PTPRQ: variants seen among roughly 807,000 people sequenced by gnomAD.
The protein encoded by PTPRQ is protein tyrosine phosphatase receptor type Q.
Under a neutral mutation model 246.0 loss-of-function variants are expected in PTPRQ, and 199 were observed. The observed-to-expected ratio is 0.81, with a 90% confidence interval of 0.72 to 0.91. PTPRQ has a LOEUF of 0.91. Among genes scored for constraint, PTPRQ ranks in the 40% least tolerant of loss-of-function variants. The pLI, the probability that PTPRQ is intolerant of heterozygous loss-of-function variation, is 0.00. For synonymous variants in PTPRQ, 869 were observed against 853.2 expected (o/e 1.02, Z -0.32); for missense variants, 2,624 against 2,528.4 (o/e 1.04, Z -0.81).
intron 3 of PTPRQ, among the ~76,000 whole-genome samples, chr12:80,451,337 A>T (rs1892763026): frequency 8.3e-6 from 1 of 120,608 alleles, no homozygotes; most frequent in Non-Finnish European, 1.7e-5. Flanking sequence ...CAGCTCCTGG[A>T]TTCATTAATT....
intron 7 of PTPRQ, among the ~76,000 whole-genome samples, chr12:80,470,652 G>A (rs556433095): frequency 6.6e-6 from 1 of 152,252 alleles, no homozygotes; most frequent in East Asian, 1.9e-4. Flanking sequence ...GGAATTGGAG[G>A]CCTGTGTAAG....
At chr12:80,486,855 C>T (rs992542221) in intron 9 of PTPRQ, among the ~76,000 whole-genome samples, 1 of 152,192 alleles carries the variant, frequency 6.6e-6, no homozygotes, top group African/African-American at 2.4e-5. Context: ...TTATCTCCTT[C>T]AAAATCCATC....
intron 25 of PTPRQ, among the ~76,000 whole-genome samples, chr12:80,566,838 C>T (rs1565790566): frequency 6.6e-6 from 1 of 152,092 alleles, no homozygotes; most frequent in Non-Finnish European, 1.5e-5. Context: ...CTGTGACTGG[C>T]CTACTTTAAT....
Position 80,635,795 on chromosome 12 carries a change from C to G in PTPRQ, c.5915+722C>G, listed in dbSNP as rs140983678. Among the ~76,000 whole-genome samples the G allele has an allele frequency of 4.0e-3, 601 of 152,124 alleles. 6 individuals are homozygous for G. Among genetic ancestry groups the G allele is most frequent in the African/African-American group, 0.014 (575 of 41,548 alleles). On this transcript the variant is annotated intron_variant, in intron 35 of 44. Transcript: ENST00000644991. ...ATTCTTAATGAAAACTACCATCAGG[C>G]TATTTTAACGTTTGCATTTTTATAA...
intron 28 of PTPRQ, among the ~76,000 whole-genome samples, chr12:80,612,673 C>T (rs1026403966): frequency 6.6e-6 from 1 of 150,410 alleles, no homozygotes; most frequent in African/African-American, 2.4e-5. Flanking sequence ...CCAGTAGTCA[C>T]ACTCTTGGGC....
intron 9 of PTPRQ, among the ~76,000 whole-genome samples, chr12:80,491,990 A>C (rs1320794563): frequency 1.3e-5 from 2 of 151,940 alleles, no homozygotes; most frequent in Non-Finnish European, 2.9e-5. Flanking sequence ...TTTTAAAAAA[A>C]GGGGTTTTGG....
At chr12:80,640,144 G>T (rs1899803361) in intron 35 of PTPRQ, among the ~76,000 whole-genome samples, 1 of 151,848 alleles carries the variant, frequency 6.6e-6, no homozygotes, top group Non-Finnish European at 1.5e-5. Context: ...TTCCTCAGCA[G>T]CATTTTCTAT....
At chr12:80,570,041 A>G (rs1030441702) in intron 25 of PTPRQ, among the ~76,000 whole-genome samples, 7 of 152,218 alleles carry the variant, frequency 4.6e-5, no homozygotes, top group African/African-American at 1.4e-4. Context: ...TGCACTAAAC[A>G]TACATGTGCA....
chr12:80,646,764 T>A lies in PTPRQ; in HGVS notation c.5916-2133T>A, dbSNP rs951103720. Among the ~76,000 whole-genome samples the A allele has an allele frequency of 2.6e-5, 4 of 151,768 alleles. No homozygotes were observed. In the East Asian group the frequency reaches 7.7e-4, roughly 29 times the overall value. The stretch of plus-strand genomic sequence containing the variant: ...TGATGTATTTCTGCGAAAAAAAAAA[T>A]CTTTAGGGAGAGATTTTAAATGCAA... On this transcript the variant is annotated intron_variant, in intron 35 of 44. Transcript: ENST00000644991.
chr12:80,540,393 A>AAT (rs1247211082), intron 20 of PTPRQ, among the ~76,000 whole-genome samples: 1 of 152,098 alleles, frequency 6.6e-6, no homozygotes, highest in Non-Finnish European at 1.5e-5. Flanking sequence ...TTAACTCCAG[A>AAT]AGTTTCTCGT....
At chr12:80,450,462 C>G (rs1323812339) in intron 3 of PTPRQ, among the ~76,000 whole-genome samples, 1 of 152,162 alleles carries the variant, frequency 6.6e-6, no homozygotes. Context: ...TGCCAGTTTT[C>G]AAAGGGAATG....
At chr12:80,545,663 CAG>C (rs1332964298) in intron 23 of PTPRQ, among the ~76,000 whole-genome samples, 3 of 151,242 alleles carry the variant, frequency 2.0e-5, no homozygotes, top group African/African-American at 7.3e-5. Context: ...TCTCTAAAAA[CAG>C]TGTCAAATTA....
intron 37 of PTPRQ, among the ~76,000 whole-genome samples, chr12:80,650,097 A>C (rs183996567): frequency 5.6e-4 from 85 of 152,236 alleles, no homozygotes; most frequent in Admixed American, 5.6e-3. Flanking sequence ...CTTGGTTTAC[A>C]TTAGTGATAT....
At chr12:80,570,370 T>C (rs903956336) in intron 25 of PTPRQ, among the ~76,000 whole-genome samples, 2 of 152,242 alleles carry the variant, frequency 1.3e-5, no homozygotes, top group African/African-American at 4.8e-5. Flanking sequence ...GTTGGCTCCA[T>C]AAATGTCTTC....
intron 28 of PTPRQ, among the ~76,000 whole-genome samples, chr12:80,612,135 T>C (rs569784208): frequency 6.6e-6 from 1 of 150,408 alleles, no homozygotes; most frequent in Non-Finnish European, 1.5e-5. Context: ...CAGTCACTTA[T>C]ATAAAGAACA....
At chr12:80,569,740 C>T (rs1897089953) in intron 25 of PTPRQ, among the ~76,000 whole-genome samples, 1 of 151,462 alleles carries the variant, frequency 6.6e-6, no homozygotes, top group South Asian at 2.1e-4. Context: ...ATCCCCTAGC[C>T]CCCCACCCCC....
chr12:80,651,377 G>T (rs186883980), intron 37 of PTPRQ, among the ~76,000 whole-genome samples: 2 of 152,114 alleles, frequency 1.3e-5, no homozygotes, highest in Admixed American at 1.3e-4. Context: ...AACCAGAAAA[G>T]AGTTTATAAA....
intron 39 of PTPRQ, 81 bp from the exon 40 acceptor site, chr12:80,668,924 CAT>C (rs1900874240): frequency 7.2e-7 from 1 of 1,390,122 alleles, no homozygotes; most frequent in Non-Finnish European, 9.4e-7. Context: ...TTACAACCAG[CAT>C]ATGTTTCATG....
At chr12:80,596,309 T>C (rs1897968747) in intron 26 of PTPRQ, among the ~76,000 whole-genome samples, 1 of 152,026 alleles carries the variant, frequency 6.6e-6, no homozygotes, top group East Asian at 1.9e-4. Flanking sequence ...ATGCAAATAT[T>C]CTAGAATTTA....
Sources: gnomAD v4.1 joint callset for allele counts (sites outside exome capture counted in the v4.1 genomes callset) on GRCh38, gnomAD v4.1.1 for gene constraint, MANE v1.5 for transcripts, NCBI Gene and HGNC (gene_info 2026-07-23, HGNC 2026-07-21) for gene names.